Variants in CACNA1A observed in about 807,000 individuals in gnomAD.
CACNA1A encodes voltage-dependent P/Q-type calcium channel subunit alpha-1A.
Under a neutral mutation model 262.4 loss-of-function variants are expected in CACNA1A, and 57 were observed. The observed-to-expected ratio is 0.22, with a 90% CI of 0.18 to 0.27. The LOEUF is 0.27. Among genes scored for constraint, CACNA1A ranks in the 10% least tolerant of loss-of-function variants. The pLI is 1.00. For missense variants in CACNA1A, 2,526 were observed against 3,562.8 expected, an observed-to-expected ratio of 0.71 and a Z score of 7.41; for synonymous variants, 1,431 against 1,419.3, an observed-to-expected ratio of 1.01 and a Z score of -0.18.
intron 11 of CACNA1A, among the ~76,000 whole-genome samples, chr19:13,313,847 T>C (rs1376146344): frequency 1.3e-5 from 2 of 152,140 alleles, no homozygotes; most frequent in Admixed American, 1.3e-4. Context: ...TAAAAGGAAA[T>C]AGAAATCATA....
At chr19:13,226,665 T>G (rs1016961234) in intron 37 of CACNA1A, 3 of 152,456 alleles carry the variant, frequency 2.0e-5, no homozygotes, top group African/African-American at 2.4e-5. Flanking sequence ...GGACGCTCGC[T>G]CTCTCAGCCA....
chr19:13,235,537 T>G, intron 32 of CACNA1A, 77 bp downstream of exon 32: 2 of 1,038,536 alleles, frequency 1.9e-6, no homozygotes, highest in Non-Finnish European at 3.0e-6. Context: ...ACTTCCAATC[T>G]GACTTCTACA....
chr19:13,258,080 G>C (rs8101524), intron 27 of CACNA1A: 34,368 of 152,448 alleles, frequency 0.23, 4,468 homozygotes, highest in Non-Finnish European at 0.3. Flanking sequence ...AGGGCTTGCT[G>C]TGTGCTGGAA....
intron 22 of CACNA1A, among the ~76,000 whole-genome samples, chr19:13,281,921 T>C (rs1198823737): frequency 1.3e-5 from 2 of 152,144 alleles, no homozygotes; most frequent in African/African-American, 2.4e-5. Context: ...CCCTGGATCA[T>C]CCATGCCTGT....
intron 3 of CACNA1A, among the ~76,000 whole-genome samples, chr19:13,443,901 G>C (rs1216009211): frequency 1.3e-5 from 2 of 152,116 alleles, no homozygotes; most frequent in African/African-American, 2.4e-5. Context: ...AGATTCATCT[G>C]TACAAAGGCT....
intron 1 of CACNA1A, among the ~76,000 whole-genome samples, chr19:13,484,778 A>G (rs958920123): frequency 4.6e-5 from 7 of 152,090 alleles, no homozygotes; most frequent in Admixed American, 2.0e-4. Context: ...TGTGGCCAAA[A>G]CATCTTTTCC....
intron 1 of CACNA1A, 108 bp downstream of exon 1, chr19:13,505,824 C>T: frequency 8.6e-7 from 1 of 1,168,550 alleles, no homozygotes; most frequent in Non-Finnish European, 1.2e-6. Flanking sequence ...AGACCCCCCT[C>T]CTCCCCACCT....
chr19:13,495,563 T>C (rs1349218196), intron 1 of CACNA1A, among the ~76,000 whole-genome samples: 1 of 152,204 alleles, frequency 6.6e-6, no homozygotes, highest in Non-Finnish European at 1.5e-5. Flanking sequence ...CCCAAAGTCC[T>C]AAACATACAA....
intron 1 of CACNA1A, among the ~76,000 whole-genome samples, chr19:13,503,133 T>C (rs1002669283): frequency 2.6e-5 from 4 of 152,058 alleles, no homozygotes; most frequent in Non-Finnish European, 1.5e-5. Context: ...CCATCAACAG[T>C]AGAATGGATA....
intron 12 of CACNA1A, among the ~76,000 whole-genome samples, chr19:13,310,381 G>A (rs1212549306): frequency 7.1e-6 from 1 of 141,508 alleles, no homozygotes; most frequent in African/African-American, 2.7e-5. Context: ...CTTGAACCCG[G>A]GAGGTGGAGG....
intron 3 of CACNA1A, among the ~76,000 whole-genome samples, chr19:13,399,830 A>G (rs940010129): frequency 1.3e-5 from 2 of 152,134 alleles, no homozygotes; most frequent in African/African-American, 2.4e-5. Context: ...GGTCAATAGG[A>G]AAGGGCCATG....
At chr19:13,368,259 T>C (rs1454221527) in intron 4 of CACNA1A, among the ~76,000 whole-genome samples, 1 of 151,996 alleles carries the variant, frequency 6.6e-6, no homozygotes, top group Non-Finnish European at 1.5e-5. Context: ...GAGGCTGTAC[T>C]GAGCTGTGAT....
At chr19:13,423,422 G>A (rs4926286) in intron 3 of CACNA1A, among the ~76,000 whole-genome samples, 44,490 of 152,152 alleles carry the variant, frequency 0.29, 8,121 homozygotes, top group Non-Finnish European at 0.41. Flanking sequence ...GGGGAATGGT[G>A]CTGTGTATCT....
chr19:13,504,702 C>T (rs2145186912), intron 1 of CACNA1A, among the ~76,000 whole-genome samples: 1 of 152,332 alleles, frequency 6.6e-6, no homozygotes, highest in African/African-American at 2.4e-5. Flanking sequence ...GGAGAAGCGG[C>T]ACATCTGGGC....
intron 11 of CACNA1A, 47 bp downstream of exon 11, chr19:13,317,065 A>C: frequency 8.1e-7 from 1 of 1,239,252 alleles, no homozygotes; most frequent in Non-Finnish European, 1.2e-6. Flanking sequence ...AAAGGGTGTG[A>C]GGGAGGGATC....
chr19:13,271,613 A>G (rs1016735961), intron 24 of CACNA1A: 4 of 152,212 alleles, frequency 2.6e-5, no homozygotes, highest in Non-Finnish European at 4.4e-5. Flanking sequence ...TTACCTCCAG[A>G]GAACCTAGAA....
chr19:13,367,293 T>C (rs1176141349), intron 4 of CACNA1A, among the ~76,000 whole-genome samples: 2 of 49,792 alleles, frequency 4.0e-5, no homozygotes, highest in Non-Finnish European at 6.4e-5. Flanking sequence ...AGACTCTGTC[T>C]CAAAAAAAAA....
intron 3 of CACNA1A, among the ~76,000 whole-genome samples, chr19:13,432,490 G>A (rs12608892): frequency 0.089 from 13,527 of 151,656 alleles, 645 homozygotes; most frequent in South Asian, 0.15. Context: ...TGAACCCATG[G>A]AAGCAGAGAG....
At chr19:13,418,885 G>C (rs984661463) in intron 3 of CACNA1A, among the ~76,000 whole-genome samples, 17 of 151,974 alleles carry the variant, frequency 1.1e-4, no homozygotes, top group Admixed American at 4.6e-4. Flanking sequence ...TTTCTGTTTA[G>C]ATATGTTTTT....
Sources: allele counts gnomAD v4.1 joint callset (sites outside exome capture counted in the v4.1 genomes callset), GRCh38; gene constraint gnomAD v4.1.1; transcripts MANE v1.5; gene names NCBI Gene and HGNC (gene_info 2026-07-23, HGNC 2026-07-21).